Variants in MGST2 observed in about 807,000 individuals in gnomAD.
MGST2 encodes the protein glutathione peroxidase MGST2.
Under a neutral mutation model 16.6 loss-of-function variants are expected in MGST2, and 9 were observed. That is an observed-to-expected ratio of 0.54 (90% CI 0.33 to 0.95). MGST2 has a LOEUF of 0.95. Ranked by LOEUF, MGST2 falls within the 40% of genes least tolerant of loss-of-function variation. The pLI is 0.03. For missense variants in MGST2, 159 were observed against 175.1 expected (o/e 0.91, Z 0.52); for synonymous variants, 79 against 68.0 (o/e 1.16, Z -0.79).
rs369376772 is a variant in MGST2 at position 139,719,376 on chromosome 4, C to G, written c.*48+15180C>G. On this transcript the variant is annotated intron_variant, in intron 5 of 5. Coordinates refer to the MGST2 transcript ENST00000616265. ...TCCTGCATCCACTCGTCCCCTGGCCCGCCTTTGATGATGGAGTCCACAAGG... is the reference window on the plus strand; with the variant it reads ...TCCTGCATCCACTCGTCCCCTGGCCGGCCTTTGATGATGGAGTCCACAAGG... 4.3e-6 allele frequency: 7 copies of G among 1,611,946 alleles called. No individual in the cohort carries two copies. The South Asian group carries it at 7.7e-5, about 18-fold the overall frequency.
chr4:139,714,059 A>G (rs1727841009), intron 5 of MGST2, among the ~76,000 whole-genome samples: 1 of 152,202 alleles, frequency 6.6e-6, no homozygotes, highest in African/African-American at 2.4e-5. Flanking sequence ...CCACATGGTT[A>G]AAAGGTCAAG....
intron 1 of MGST2, among the ~76,000 whole-genome samples, chr4:139,672,885 A>G (rs1488485336): frequency 6.6e-6 from 1 of 152,148 alleles, no homozygotes; most frequent in Admixed American, 6.5e-5. Context: ...TTCAGTGACA[A>G]TGTTTAAATC....
At chr4:139,746,040 A>G in the MGST2 span, among the ~76,000 whole-genome samples, 1 of 152,256 alleles carries the variant, frequency 6.6e-6, no homozygotes, top group African/African-American at 2.4e-5. Context: ...CGAAAGTTCT[A>G]TGGTGGCCCA....
chr4:139,731,663 G>A (rs566190177), intron 5 of MGST2, among the ~76,000 whole-genome samples: 21 of 152,128 alleles, frequency 1.4e-4, no homozygotes, highest in African/African-American at 5.1e-4. Flanking sequence ...TTTAAACATG[G>A]GGTGTTGGAT....
intron 5 of MGST2, among the ~76,000 whole-genome samples, chr4:139,729,983 T>G (rs1301755769): frequency 6.6e-6 from 1 of 152,256 alleles, no homozygotes; most frequent in Non-Finnish European, 1.5e-5. Context: ...TATAGAATTC[T>G]TCTCAATTCC....
chr4:139,680,361 T>G (rs868791965), intron 2 of MGST2, among the ~76,000 whole-genome samples: 2 of 152,220 alleles, frequency 1.3e-5, no homozygotes, highest in Non-Finnish European at 2.9e-5. Flanking sequence ...TTGCTTAGTT[T>G]CATGCCCAAA....
the MGST2 span, among the ~76,000 whole-genome samples, chr4:139,751,297 G>T: frequency 1.3e-5 from 2 of 152,162 alleles, no homozygotes; most frequent in Admixed American, 1.3e-4. Flanking sequence ...AAATATTTGG[G>T]ATCAGAAGTA....
intron 2 of MGST2, among the ~76,000 whole-genome samples, chr4:139,687,939 C>A (rs1271574261): frequency 6.6e-6 from 1 of 152,122 alleles, no homozygotes; most frequent in Non-Finnish European, 1.5e-5. Flanking sequence ...ATAATTTCAC[C>A]AAGGACCATT....
chr4:139,727,515 T>G (rs1728523646), intron 5 of MGST2, among the ~76,000 whole-genome samples: 1 of 152,224 alleles, frequency 6.6e-6, no homozygotes, highest in South Asian at 2.1e-4. Context: ...CCTGGCTCTG[T>G]CTCTCTCTAG....
chr4:139,729,383 G>A (rs1443432869), intron 5 of MGST2, among the ~76,000 whole-genome samples: 1 of 152,126 alleles, frequency 6.6e-6, no homozygotes, highest in Non-Finnish European at 1.5e-5. Flanking sequence ...ACTTTGGGAG[G>A]CTGAGATGGG....
At chr4:139,718,143 A>C (rs541061715) in intron 5 of MGST2, 1 of 151,918 alleles carries the variant, frequency 6.6e-6, no homozygotes, top group Non-Finnish European at 1.5e-5. Flanking sequence ...CCTCCAGGCC[A>C]CTCCTTCCTG....
At chr4:139,698,535 G>T in intron 3 of MGST2, 2 of 1,068,828 alleles carry the variant, frequency 1.9e-6, no homozygotes, top group Non-Finnish European at 2.9e-6. Context: ...TTTGCGGGCA[G>T]TCTGCTTTGT....
At position 139,727,703 on chromosome 4, in the gene MGST2, C is replaced by T. The variant is rs185010851; in HGVS notation, c.*49-12509C>T. Among the ~76,000 whole-genome samples the T allele has an allele frequency of 2.0e-5, 3 of 152,336 alleles. No individual in the cohort carries two copies. In the East Asian group the frequency reaches 5.8e-4, roughly 29 times the overall value. Reference sequence around the variant, plus strand: ...GAGAATACGGCATTAAATGTGAATTCATGCCTACTTTCAACCTGCACTGCT... The same window carrying T: ...GAGAATACGGCATTAAATGTGAATTTATGCCTACTTTCAACCTGCACTGCT... On this transcript the variant is annotated intron_variant, in intron 5 of 5. Transcript: ENST00000616265.
At chr4:139,749,735 A>G in the MGST2 span, among the ~76,000 whole-genome samples, 1 of 152,218 alleles carries the variant, frequency 6.6e-6, no homozygotes, top group Non-Finnish European at 1.5e-5. Context: ...GTTGCCACTC[A>G]AGTGTGGTAC....
At chr4:139,699,664 G>T (rs1045727657) in intron 3 of MGST2, among the ~76,000 whole-genome samples, 1 of 152,180 alleles carries the variant, frequency 6.6e-6, no homozygotes, top group African/African-American at 2.4e-5. Context: ...GACCTGTGCA[G>T]TTCAAACCCA....
intron 1 of MGST2, 90 bp downstream of exon 1, chr4:139,666,167 A>T: frequency 7.4e-7 from 1 of 1,356,640 alleles, no homozygotes; most frequent in Non-Finnish European, 1.0e-6. Context: ...GGAGGGAGGG[A>T]GATGGGTCCG....
At chr4:139,667,931 T>C (rs1055766049) in intron 1 of MGST2, among the ~76,000 whole-genome samples, 1 of 152,102 alleles carries the variant, frequency 6.6e-6, no homozygotes, top group African/African-American at 2.4e-5. Context: ...GAGCCAAACA[T>C]GAGGGACGAG....
intron 3 of MGST2, chr4:139,698,475 C>T: frequency 8.4e-7 from 1 of 1,194,028 alleles, no homozygotes; most frequent in South Asian, 1.2e-5. Flanking sequence ...CGCACTCTTG[C>T]GAGCGGCTTT....
At chr4:139,743,959 A>G (rs1294749856), downstream of MGST2, among the ~76,000 whole-genome samples, 1 of 152,186 alleles carries the variant, frequency 6.6e-6, no homozygotes, top group East Asian at 1.9e-4. Context: ...GGCCATCCCT[A>G]TGGCCATAGA....
Sources: allele counts gnomAD v4.1 joint callset (sites outside exome capture counted in the v4.1 genomes callset), GRCh38; gene constraint gnomAD v4.1.1; transcripts MANE v1.5; gene names NCBI Gene and HGNC (gene_info 2026-07-23, HGNC 2026-07-21).